COLEC10: variants seen among roughly 807,000 people sequenced by gnomAD.
COLEC10 encodes the protein collectin subfamily member 10, also known as collectin-10.
In COLEC10, 22 loss-of-function variants were observed where a neutral mutation model predicts 28.4. The ratio of observed to expected loss-of-function variants is 0.78; its 90% CI spans 0.55 to 1.11. The LOEUF is 1.11. COLEC10 is among the 50% of genes least tolerant of loss of function. The pLI is 0.00. For synonymous variants in COLEC10, 125 were observed against 116.1 expected (o/e 1.08, Z -0.49); for missense variants, 361 against 344.1 (o/e 1.05, Z -0.39).
upstream of COLEC10, among the ~76,000 whole-genome samples, chr8:119,065,127 C>A (rs1410573564): frequency 6.6e-6 from 1 of 152,166 alleles, no homozygotes; most frequent in Non-Finnish European, 1.5e-5. Flanking sequence ...AAGCAAATTT[C>A]TGCTGTTTAA....
chr8:118,981,432 C>T, the COLEC10 span, among the ~76,000 whole-genome samples: 3 of 151,740 alleles, frequency 2.0e-5, no homozygotes, highest in Middle Eastern at 0.01. Flanking sequence ...ACTTTTAATG[C>T]TTTTAGGAAT....
At chr8:119,073,255 T>C (rs72682419) in intron 1 of COLEC10, among the ~76,000 whole-genome samples, 11,847 of 152,286 alleles carry the variant, frequency 0.078, 608 homozygotes, top group Middle Eastern at 0.19. Context: ...CATTCTTCCA[T>C]GTTACATCAT....
At chr8:118,954,156 C>T in the COLEC10 span, among the ~76,000 whole-genome samples, 14,554 of 152,170 alleles carry the variant, frequency 0.096, 758 homozygotes, top group African/African-American at 0.14. Flanking sequence ...TGCAAAGGAG[C>T]GATGGTGGTA....
chr8:118,979,127 T>C, the COLEC10 span, among the ~76,000 whole-genome samples: 1 of 152,010 alleles, frequency 6.6e-6, no homozygotes, highest in Non-Finnish European at 1.5e-5. Flanking sequence ...TGCCTTTATA[T>C]TTAAATCTTT....
chr8:119,003,684 G>A (rs1458492596), intron 1 of COLEC10, among the ~76,000 whole-genome samples: 2 of 152,010 alleles, frequency 1.3e-5, no homozygotes, highest in African/African-American at 4.8e-5. Flanking sequence ...TTCATAGTAA[G>A]AGAGATCTGA....
At chr8:118,965,366 T>A in the COLEC10 span, among the ~76,000 whole-genome samples, 1 of 152,094 alleles carries the variant, frequency 6.6e-6, no homozygotes, top group Non-Finnish European at 1.5e-5. Flanking sequence ...GACTGTCAAA[T>A]CTCTTGGCAT....
intron 3 of COLEC10, among the ~76,000 whole-genome samples, chr8:119,100,876 C>T (rs895166510): frequency 2.0e-5 from 3 of 152,114 alleles, no homozygotes; most frequent in Non-Finnish European, 4.4e-5. Flanking sequence ...TTGGGGAGCA[C>T]GTGAATGACT....
At chr8:118,989,861 T>G in the COLEC10 span, among the ~76,000 whole-genome samples, 1 of 152,108 alleles carries the variant, frequency 6.6e-6, no homozygotes, top group African/African-American at 2.4e-5. Context: ...TGGAAATATT[T>G]TATTATCATG....
chr8:118,980,344 C>A, the COLEC10 span, among the ~76,000 whole-genome samples: 1 of 151,832 alleles, frequency 6.6e-6, no homozygotes, highest in South Asian at 2.1e-4. Context: ...AGGCGAACAC[C>A]ACCATGGCTG....
intron 2 of COLEC10, among the ~76,000 whole-genome samples, chr8:119,057,033 A>G (rs891100766): frequency 2.6e-5 from 4 of 152,010 alleles, no homozygotes; most frequent in Non-Finnish European, 5.9e-5. Flanking sequence ...ATAACTGACA[A>G]GTTTTCTAAA....
intron 2 of COLEC10, among the ~76,000 whole-genome samples, chr8:119,043,335 C>T (rs16891906): frequency 0.04 from 6,113 of 151,066 alleles, 175 homozygotes; most frequent in East Asian, 0.16. Flanking sequence ...CACTAAGAAA[C>T]AATAGCAGGA....
intron 1 of COLEC10, among the ~76,000 whole-genome samples, chr8:119,000,172 A>C (rs1813666700): frequency 6.6e-6 from 1 of 152,200 alleles, no homozygotes; most frequent in Admixed American, 6.5e-5. Flanking sequence ...TTCAGATAAA[A>C]GGAGGAGCCA....
chr8:118,967,300 G>T, the COLEC10 span, among the ~76,000 whole-genome samples: 6 of 152,010 alleles, frequency 3.9e-5, no homozygotes, highest in East Asian at 7.7e-4. Context: ...GAAAAGAAAA[G>T]AAATGGAAAG....
chr8:119,006,863 A>G (rs1225018614), intron 1 of COLEC10, among the ~76,000 whole-genome samples: 1 of 152,140 alleles, frequency 6.6e-6, no homozygotes, highest in Admixed American at 6.5e-5. Context: ...TTGTTCACAA[A>G]AAAATCCCTG....
intron 2 of COLEC10, among the ~76,000 whole-genome samples, chr8:119,012,143 T>G (rs1285952203): frequency 6.6e-6 from 1 of 150,920 alleles, no homozygotes; most frequent in Non-Finnish European, 1.5e-5. Flanking sequence ...TTCAGTTCTA[T>G]TCTTAGTTTA....
At chr8:119,088,184 AAAGG>A (rs1815519964) in intron 1 of COLEC10, among the ~76,000 whole-genome samples, 1 of 151,578 alleles carries the variant, frequency 6.6e-6, no homozygotes, top group Admixed American at 6.6e-5. Flanking sequence ...AGTGGGAAGG[AAAGG>A]AAGGGAAGGA....
chr8:119,017,589 CT>C (rs1186214961), intron 2 of COLEC10, among the ~76,000 whole-genome samples: 6 of 152,176 alleles, frequency 3.9e-5, no homozygotes, highest in Non-Finnish European at 8.8e-5. Context: ...TGACTAACCT[CT>C]TATTGAGAGC....
chr8:118,990,862 C>T (rs927436542), upstream of COLEC10, among the ~76,000 whole-genome samples: 5 of 151,344 alleles, frequency 3.3e-5, no homozygotes, highest in Admixed American at 1.3e-4. Context: ...GAAAAGTCAT[C>T]AAGTTAAAAG....
chr8:119,040,882 C>T (rs1814482458), intron 2 of COLEC10, among the ~76,000 whole-genome samples: 1 of 152,148 alleles, frequency 6.6e-6, no homozygotes, highest in African/African-American at 2.4e-5. Flanking sequence ...ACCCCATCTC[C>T]ATCTGGTGCT....
Sources: allele counts gnomAD v4.1 joint callset (sites outside exome capture counted in the v4.1 genomes callset), GRCh38; gene constraint gnomAD v4.1.1; transcripts MANE v1.5; gene names NCBI Gene and HGNC (gene_info 2026-07-23, HGNC 2026-07-21).